RAPGEF5: variants seen among roughly 807,000 people sequenced by gnomAD.
The protein encoded by RAPGEF5 is M-Ras-regulated GEF.
Under a neutral mutation model 125.2 loss-of-function variants are expected in RAPGEF5, and 65 were observed. That is an observed-to-expected ratio of 0.52 (90% CI 0.43 to 0.64). The LOEUF (loss-of-function observed/expected upper bound fraction) is 0.64, where lower values mean the gene tolerates loss of function less well. Among genes scored for constraint, RAPGEF5 ranks in the 30% least tolerant of loss-of-function variants. RAPGEF5 has a pLI of 0.00. For missense variants in RAPGEF5, 958 were observed against 1,048.1 expected (o/e 0.91, Z 1.19); for synonymous variants, 391 against 385.9 (o/e 1.01, Z -0.16).
chr7:22,125,697 G>T, intron 24 of RAPGEF5, 39 bp from the exon 25 acceptor site: 1 of 1,549,610 alleles, frequency 6.5e-7, no homozygotes, highest in Non-Finnish European at 8.9e-7. Flanking sequence ...TGGAAGGGTC[G>T]TTGAGGGTGT....
At chr7:22,244,168 G>A (rs778523330) in intron 7 of RAPGEF5, among the ~76,000 whole-genome samples, 3 of 151,846 alleles carry the variant, frequency 2.0e-5, no homozygotes, top group African/African-American at 7.3e-5. Flanking sequence ...TTGTGTGTGT[G>A]TATATATACA....
intron 7 of RAPGEF5, among the ~76,000 whole-genome samples, chr7:22,256,100 T>C (rs1013546112): frequency 6.6e-6 from 1 of 152,074 alleles, no homozygotes; most frequent in Non-Finnish European, 1.5e-5. Flanking sequence ...TGTAGAGCCA[T>C]GTATTTTGCT....
intron 12 of RAPGEF5, 41 bp from the exon 13 acceptor site, chr7:22,162,582 A>T (rs1000488277): frequency 1.3e-6 from 2 of 1,534,930 alleles, no homozygotes; most frequent in Non-Finnish European, 1.8e-6. Context: ...TGAAAATTTT[A>T]AAATATGAAG....
intron 12 of RAPGEF5, among the ~76,000 whole-genome samples, chr7:22,166,146 T>G (rs1784159204): frequency 6.7e-6 from 1 of 150,164 alleles, no homozygotes; most frequent in South Asian, 2.1e-4. Flanking sequence ...CAGCTGCTCT[T>G]GAACTCCTGG....
At chr7:22,199,882 G>GCT (rs1785238688) in intron 9 of RAPGEF5, among the ~76,000 whole-genome samples, 1 of 152,154 alleles carries the variant, frequency 6.6e-6, no homozygotes, top group Admixed American at 6.6e-5. Flanking sequence ...GATGGACCCA[G>GCT]CTCTCTCTCA....
chr7:22,281,632 G>T (rs888196335), intron 6 of RAPGEF5, among the ~76,000 whole-genome samples: 29 of 152,270 alleles, frequency 1.9e-4, no homozygotes, highest in Middle Eastern at 3.4e-3. Context: ...TAATTACTGA[G>T]GTACACTGCA....
chr7:22,131,011 A>G, intron 24 of RAPGEF5, 26 bp downstream of exon 24: 1 of 1,538,504 alleles, frequency 6.5e-7, no homozygotes, highest in South Asian at 1.2e-5. Flanking sequence ...ACTGTAAAAA[A>G]GGGAGAAGTA....
chr7:22,337,226 G>A (rs1401275272), intron 1 of RAPGEF5, among the ~76,000 whole-genome samples: 1 of 152,206 alleles, frequency 6.6e-6, no homozygotes, highest in East Asian at 1.9e-4. Context: ...TTTGGTTGGG[G>A]ATGTAATCGC....
chr7:22,238,865 G>A (rs902657224), intron 7 of RAPGEF5, among the ~76,000 whole-genome samples: 1 of 152,268 alleles, frequency 6.6e-6, no homozygotes, highest in Middle Eastern at 3.4e-3. Flanking sequence ...AATTATACAG[G>A]AAGTGAGTAA....
At chr7:22,149,251 G>A (rs145063502) in intron 18 of RAPGEF5, among the ~76,000 whole-genome samples, 12 of 152,294 alleles carry the variant, frequency 7.9e-5, no homozygotes, top group Non-Finnish European at 1.6e-4. Flanking sequence ...TGCAGACAAC[G>A]TTACATAAAA....
At chr7:22,284,744 C>A (rs1391963321) in intron 6 of RAPGEF5, among the ~76,000 whole-genome samples, 1 of 152,088 alleles carries the variant, frequency 6.6e-6, no homozygotes, top group African/African-American at 2.4e-5. Flanking sequence ...CTGCGATAGT[C>A]TAAGGGAAGG....
chr7:22,202,862 A>G, intron 9 of RAPGEF5: 1 of 281,280 alleles, frequency 3.6e-6, no homozygotes, highest in Admixed American at 4.5e-5. Context: ...AAATGGGATA[A>G]TCCCTACCTT....
intron 2 of RAPGEF5, among the ~76,000 whole-genome samples, chr7:22,315,980 T>G (rs2128154539): frequency 6.6e-6 from 1 of 152,314 alleles, no homozygotes; most frequent in East Asian, 1.9e-4. Context: ...CTCTTAAGCT[T>G]CATTCAACTG....
At chr7:22,230,345 G>A (rs1042217349) in intron 8 of RAPGEF5, among the ~76,000 whole-genome samples, 4 of 152,244 alleles carry the variant, frequency 2.6e-5, no homozygotes, top group Non-Finnish European at 4.4e-5. Flanking sequence ...TAAAGGCGAA[G>A]TGAGATGAGT....
chr7:22,131,732 T>C (rs928031917), intron 23 of RAPGEF5, among the ~76,000 whole-genome samples: 1 of 152,166 alleles, frequency 6.6e-6, no homozygotes, highest in Non-Finnish European at 1.5e-5. Context: ...ACAATGAAAG[T>C]GCATTTTCAG....
chr7:22,162,108 G>A (rs964050219), intron 13 of RAPGEF5, among the ~76,000 whole-genome samples: 1 of 152,074 alleles, frequency 6.6e-6, no homozygotes, highest in Non-Finnish European at 1.5e-5. Flanking sequence ...ATAGAGGACT[G>A]GTTACTTTAA....
At chr7:22,259,590 C>T (rs1281146748) in intron 7 of RAPGEF5, among the ~76,000 whole-genome samples, 1 of 152,128 alleles carries the variant, frequency 6.6e-6, no homozygotes, top group Admixed American at 6.5e-5. Flanking sequence ...AACTTGAAAA[C>T]AACCAAGATG....
chr7:22,134,047 G>A (rs959875616), intron 23 of RAPGEF5, among the ~76,000 whole-genome samples: 3 of 152,188 alleles, frequency 2.0e-5, no homozygotes, highest in African/African-American at 7.2e-5. Flanking sequence ...AGGCACAAGA[G>A]AGGGGGAGAC....
chr7:22,320,497 C>T (rs1164031901), intron 1 of RAPGEF5, among the ~76,000 whole-genome samples: 1 of 152,200 alleles, frequency 6.6e-6, no homozygotes, highest in African/African-American at 2.4e-5. Context: ...CATCTTATTG[C>T]TGCTGTAAAT....
Sources: gnomAD v4.1 joint callset for allele counts (sites outside exome capture counted in the v4.1 genomes callset) on GRCh38, gnomAD v4.1.1 for gene constraint, MANE v1.5 for transcripts, NCBI Gene and HGNC (gene_info 2026-07-23, HGNC 2026-07-21) for gene names.